CACNA1H: variants seen among roughly 807,000 people sequenced by gnomAD.
The protein encoded by CACNA1H is calcium voltage-gated channel subunit alpha1 H.
Under a neutral mutation model 192.5 loss-of-function variants are expected in CACNA1H, and 149 were observed. That is an observed-to-expected ratio of 0.77 (90% CI 0.68 to 0.89). CACNA1H has a LOEUF of 0.89. Among genes scored for constraint, CACNA1H ranks in the 40% least tolerant of loss-of-function variants. The pLI is 0.00. For missense variants in CACNA1H, 4,257 were observed against 3,423.5 expected (o/e 1.24, Z -6.08); for synonymous variants, 2,202 against 1,475.2 (o/e 1.49, Z -11.29).
chr16:1,219,019 C>G lies in CACNA1H; in HGVS notation c.5937C>G (p.Leu1979=), dbSNP rs1229356329. 2 of 1,550,266 alleles carry G rather than the reference C, an allele frequency of 1.3e-6. No individual in the cohort carries two copies. The highest frequency in any genetic ancestry group is 2.0e-5 in the Admixed American group (1 of 51,000). The part of the protein sequence containing the change: ...HSPPAESCAS[L]QIPLAVSSPA... ...CGCCCGCAGAGTCCTGTGCCTCCCT[C>G]CAGATCCCATTGGCTGTGTCGTCCC... The change falls in exon 34 of 35, where the codon CTC becomes CTG. Residue 1979 remains leucine (L), a synonymous_variant. Coordinates refer to ENST00000348261, the MANE Select transcript of CACNA1H (RefSeq NM_021098.3).
intron 31 of CACNA1H, among the ~76,000 whole-genome samples, chr16:1,217,475 G>A (rs942571001): frequency 2.0e-5 from 3 of 151,582 alleles, no homozygotes; most frequent in East Asian, 2.0e-4. Context: ...CTCCTTAGAC[G>A]GCCCAGCCCT....
chr16:1,211,470 C>T lies in CACNA1H; in HGVS notation c.4351-11C>T, dbSNP rs1352254301. Reference sequence around the variant, plus strand: ...GCCAGGCCCTCCGCGGTGACCGTCGCACCCCGTCAGCTCTTCAAAGGGAAG... The same window carrying T: ...GCCAGGCCCTCCGCGGTGACCGTCGTACCCCGTCAGCTCTTCAAAGGGAAG... On this transcript the variant is annotated splice_polypyrimidine_tract_variant and intron_variant, in intron 22 of 34. Coordinates refer to ENST00000348261, the MANE Select transcript of CACNA1H (RefSeq NM_021098.3). The T allele has an allele frequency of 9.3e-6, 15 of 1,612,390 alleles. No individual in the cohort carries two copies. Among genetic ancestry groups the T allele is most frequent in the Non-Finnish European group, 9.3e-6 (11 of 1,179,662 alleles).
At position 1,211,992 on chromosome 16, in the gene CACNA1H, T is replaced by C. The variant is rs1567543094; in HGVS notation, c.4613T>C (p.Phe1538Ser). Residue 1538 changes from phenylalanine (F) to serine (S), a missense_variant, in exon 25 of 35, where the codon TTC (phenylalanine) becomes TCC (serine). Coordinates refer to ENST00000348261, the MANE Select transcript of CACNA1H (RefSeq NM_021098.3). ...TGGATGCTGCTGTACTTCATCTCCTTCCTGCTCATCGTCAGCTTCTTCGTG... is the reference window on the plus strand; with the variant it reads ...TGGATGCTGCTGTACTTCATCTCCTCCCTGCTCATCGTCAGCTTCTTCGTG... ...NPWMLLYFIS[F>S]LLIVSFFVLN... 1.9e-6 allele frequency: 3 copies of C among 1,613,532 alleles called. No homozygotes were observed. The highest frequency in any genetic ancestry group is 2.5e-6 in the Non-Finnish European group (3 of 1,179,670).
chr16:1,179,943 G>C (rs1395737953), intron 2 of CACNA1H, among the ~76,000 whole-genome samples: 1 of 151,844 alleles, frequency 6.6e-6, no homozygotes, highest in Admixed American at 6.6e-5. Context: ...CACCATCTTG[G>C]CCAGGCTGGT....
Position 1,216,940 on chromosome 16 carries a change from C to T in CACNA1H, c.5253C>T (p.Asn1751=), listed in dbSNP as rs57181695. Residue 1751 remains asparagine (N), a synonymous_variant, in exon 31 of 35, where the codon AAC becomes AAT. Coordinates refer to ENST00000348261, the MANE Select transcript of CACNA1H (RefSeq NM_021098.3). ...TVVQALPQVG[N]LGLLFMLLFF... Reference sequence around the variant, plus strand: ...GCTTCTCTCTTGTGTAGGTGGGGAACCTGGGCCTTCTTTTCATGCTCCTGT... The same window carrying T: ...GCTTCTCTCTTGTGTAGGTGGGGAATCTGGGCCTTCTTTTCATGCTCCTGT... 2.1e-3 allele frequency: 3,349 copies of T among 1,602,734 alleles called. 10 individuals are homozygous for T. Among genetic ancestry groups the T allele is most frequent in the Middle Eastern group, 4.0e-3 (24 of 6,048 alleles).
At chr16:1,219,228 CAGG>C (rs779580060) in intron 34 of CACNA1H, 98 bp downstream of exon 34, 79 of 1,251,324 alleles carry the variant, frequency 6.3e-5, no homozygotes, top group Non-Finnish European at 8.2e-5. Flanking sequence ...GAGGACAAGG[CAGG>C]AGGAGGGTCG....
intron 2 of CACNA1H, among the ~76,000 whole-genome samples, chr16:1,176,418 C>T (rs1322038421): frequency 1.3e-5 from 2 of 152,204 alleles, no homozygotes; most frequent in Non-Finnish European, 2.9e-5. Context: ...GCCGCTCCTA[C>T]TCTCGGCAGC....
chr16:1,157,862 G>A (rs1047656180), intron 2 of CACNA1H: 2 of 152,272 alleles, frequency 1.3e-5, no homozygotes, highest in African/African-American at 4.8e-5. Flanking sequence ...CGTCCCTTCT[G>A]CCTGGGTGGA....
intron 2 of CACNA1H, among the ~76,000 whole-genome samples, chr16:1,183,613 T>C (rs79691462): frequency 0.011 from 1,663 of 152,278 alleles, 39 homozygotes; most frequent in African/African-American, 0.037. Flanking sequence ...TGTCGTGGCA[T>C]TGGGGTCGGG....
At chr16:1,183,273 C>T (rs541125808) in intron 2 of CACNA1H, among the ~76,000 whole-genome samples, 7 of 152,272 alleles carry the variant, frequency 4.6e-5, no homozygotes, top group South Asian at 2.1e-4. Flanking sequence ...GCCGCGTTCC[C>T]CCAGTTTTCC....
intron 2 of CACNA1H, among the ~76,000 whole-genome samples, chr16:1,184,852 TGTG>T (rs1965824387): frequency 6.6e-6 from 1 of 152,196 alleles, no homozygotes; most frequent in South Asian, 2.1e-4. Flanking sequence ...GAACGCAGGC[TGTG>T]GTGATGACTG....
At chr16:1,206,418 C>T (rs560927595) in intron 12 of CACNA1H, 129 bp downstream of exon 12, 18 of 815,724 alleles carry the variant, frequency 2.2e-5, no homozygotes, top group Admixed American at 1.0e-4. Context: ...TGCAGACACT[C>T]GGCCTCTGCT....
intron 32 of CACNA1H, 73 bp downstream of exon 32, chr16:1,218,113 G>T: frequency 1.9e-6 from 3 of 1,549,920 alleles, no homozygotes; most frequent in Non-Finnish European, 2.6e-6. Context: ...GAACGGGTCG[G>T]ATCCGTCCTT....
At position 1,219,037 on chromosome 16, in the gene CACNA1H, G is replaced by C. The variant is rs530115474; in HGVS notation, c.5955G>C (p.Val1985=). The part of the protein sequence containing the change: ...SCASLQIPLA[V]SSPARSGEPL... Reference sequence around the variant, plus strand: ...CCTCCCTCCAGATCCCATTGGCTGTGTCGTCCCCAGCCAGGAGCGGCGAGC... The same window carrying C: ...CCTCCCTCCAGATCCCATTGGCTGTCTCGTCCCCAGCCAGGAGCGGCGAGC... The change falls in exon 34 of 35, where the codon GTG becomes GTC. Residue 1985 remains valine (V), a synonymous_variant. Coordinates refer to ENST00000348261, the MANE Select transcript of CACNA1H (RefSeq NM_021098.3). 6.5e-7 allele frequency: 1 copy of C among 1,550,094 alleles called. No individual in the cohort carries two copies. The highest frequency in any genetic ancestry group is 8.7e-7 in the Non-Finnish European group (1 of 1,146,840).
rs1321838408 is a variant in CACNA1H at position 1,153,721 on chromosome 16, T to G, written c.-17T>G. 2.5e-6 allele frequency: 3 copies of G among 1,200,440 alleles called. No homozygotes were observed. The highest frequency in any genetic ancestry group is 1.6e-5 in the African/African-American group (1 of 62,270). The allele number at this position is 1,200,440 out of a possible 1,614,324, so 74.4% of individuals were successfully genotyped here. A position where few individuals can be genotyped will look rare whatever the true frequency, so the allele number is the denominator to read the frequency against. ...CGGGTCACCCCCTGTCCTCTGCAGG[T>G]GCTGCCGGCCGCCACCATGACCGAG... On this transcript the variant is annotated splice_region_variant and 5_prime_UTR_variant, in exon 2 of 35. Coordinates refer to ENST00000348261, the MANE Select transcript of CACNA1H (RefSeq NM_021098.3).
rs1961809510 is a variant in CACNA1H, at chr16:1,153,194, C to T, written c.-295C>T. ...CCGGCCCGCGCCCCGCGCCCCGCGCCCCGCGCCCCGGCCTCACCCGTCCGC... is the reference window on the plus strand; with the variant it reads ...CCGGCCCGCGCCCCGCGCCCCGCGCTCCGCGCCCCGGCCTCACCCGTCCGC... On this transcript the variant is annotated 5_prime_UTR_variant, in exon 1 of 35. Coordinates refer to ENST00000348261, the MANE Select transcript of CACNA1H (RefSeq NM_021098.3). The T allele has an allele frequency of 6.9e-6, 1 of 145,444 alleles. No homozygotes were observed. The highest frequency in any genetic ancestry group is 1.5e-5 in the Non-Finnish European group (1 of 65,272). The allele number at this position is 145,444 out of a possible 1,614,324, so 9.0% of individuals were successfully genotyped here. A position where few individuals can be genotyped will look rare whatever the true frequency, so the allele number is the denominator to read the frequency against.
At chr16:1,155,791 C>CA (rs1962282658) in intron 2 of CACNA1H, among the ~76,000 whole-genome samples, 1 of 152,126 alleles carries the variant, frequency 6.6e-6, no homozygotes. Context: ...TTGCTGTGTG[C>CA]AGGGAAGGTG....
At chr16:1,182,880 C>T in intron 2 of CACNA1H, among the ~76,000 whole-genome samples, 1 of 152,188 alleles carries the variant, frequency 6.6e-6, no homozygotes, top group South Asian at 2.1e-4. Context: ...GGAGCTGAGT[C>T]CTGAGTCCTG....
chr16:1,159,200 C>T (rs896735587), intron 2 of CACNA1H, among the ~76,000 whole-genome samples: 3 of 152,194 alleles, frequency 2.0e-5, no homozygotes, highest in Admixed American at 6.5e-5. Context: ...GTCCGTATCC[C>T]GGGGTAGAAC....
Sources: gnomAD v4.1 joint callset for allele counts (sites outside exome capture counted in the v4.1 genomes callset) on GRCh38, gnomAD v4.1.1 for gene constraint, MANE v1.5 for transcripts, NCBI Gene and HGNC (gene_info 2026-07-23, HGNC 2026-07-21) for gene names.